Variants in ADGRD2 observed in about 807,000 individuals in gnomAD.
ADGRD2 encodes the protein G protein-coupled receptor PGR24.
In ADGRD2, 71 loss-of-function variants were observed where a neutral mutation model predicts 44.4. The observed-to-expected ratio is 1.60, with a 90% CI of 1.32 to 1.95. ADGRD2 has a LOEUF of 1.95. Among genes scored for constraint, ADGRD2 ranks in the 30% most tolerant of loss-of-function variants. ADGRD2 has a pLI of 0.00. For synonymous variants in ADGRD2, 481 were observed against 224.8 expected (o/e 2.14, Z -10.19); for missense variants, 1,039 against 512.4 (o/e 2.03, Z -9.92).
At chr9:124,475,982 A>G (rs1588611057) in intron 19 of ADGRD2, among the ~76,000 whole-genome samples, 1 of 152,128 alleles carries the variant, frequency 6.6e-6, no homozygotes, top group African/African-American at 2.4e-5. Flanking sequence ...CTCATTCCCC[A>G]CTGCCAGGAA....
chr9:124,463,184 A>AGAAGGGTTC lies in ADGRD2; in HGVS notation c.1871-3074_1871-3073insGAAGGGTTC, dbSNP rs1211964182. On this transcript the variant is annotated intron_variant, in intron 10 of 21. Transcript: ENST00000334810. ...TCCCTTCTCTTCCTGGTTTGCTGAG[A>AGAAGGGTTC]ATTTTTATCATGAATGGCTTTTGAA... 1.2e-4 allele frequency among the ~76,000 whole-genome samples: 19 copies of AGAAGGGTTC among 152,096 alleles called. 1 individual carries two copies. Among genetic ancestry groups the AGAAGGGTTC allele is most frequent in the Admixed American group, 1.2e-3 (19 of 15,250 alleles).
At chr9:124,463,147 A>C (rs1831752372) in intron 10 of ADGRD2, among the ~76,000 whole-genome samples, 1 of 152,212 alleles carries the variant, frequency 6.6e-6, no homozygotes, top group African/African-American at 2.4e-5. Flanking sequence ...GTAGATGTCC[A>C]TCAAATCAAG....
intron 17 of ADGRD2, 51 bp from the exon 21 acceptor site, chr9:124,475,395 G>A (rs1018581473): frequency 4.3e-6 from 3 of 695,858 alleles, no homozygotes; most frequent in Non-Finnish European, 8.0e-6. Flanking sequence ...CAGGCTGTGG[G>A]GGATGGGGTA....
intron 16 of ADGRD2, 41 bp from the exon 20 acceptor site, chr9:124,470,453 A>T: frequency 1.4e-6 from 1 of 696,742 alleles, no homozygotes; most frequent in Non-Finnish European, 2.6e-6. Flanking sequence ...GGAGCTCCCC[A>T]GGCCTCCCAA....
At chr9:124,462,615 ACATT>A (rs1268366751) in intron 10 of ADGRD2, among the ~76,000 whole-genome samples, 1 of 147,698 alleles carries the variant, frequency 6.8e-6, no homozygotes, top group Non-Finnish European at 1.5e-5. Context: ...GATCTTAGAG[ACATT>A]TTGTTAAATA....
intron 21 of ADGRD2, chr9:124,477,046 C>T (rs374520312): frequency 1.7e-6 from 1 of 586,426 alleles, no homozygotes; most frequent in Non-Finnish European, 3.3e-6. Context: ...TCCTCCCCCT[C>T]TTTCTGCCCC....
chr9:124,456,696 AG>A lies in ADGRD2; in HGVS notation c.1469del (p.Glu491SerfsTer21), dbSNP rs1831624025. On this transcript the variant is annotated frameshift_variant, in exon 7 of 22. Transcript: ENST00000334810. LOFTEE classifies it high-confidence loss of function. ...CCCTGCTGAGCACCTCAATGACCTCAGAGCGGCCCCGAATGCGCATCCAGCA... is the reference window on the plus strand; with the variant it reads ...CCCTGCTGAGCACCTCAATGACCTCAAGCGGCCCCGAATGCGCATCCAGCA... 1.4e-6 allele frequency: 1 copy of A among 714,244 alleles called. No homozygotes were observed. The highest frequency in any genetic ancestry group is 2.6e-6 in the Non-Finnish European group (1 of 385,024). The allele number at this position is 714,244 out of a possible 1,614,324, so 44.2% of individuals were successfully genotyped here. A position where few individuals can be genotyped will look rare whatever the true frequency, so the allele number is the denominator to read the frequency against.
chr9:124,462,080 C>A (rs538565236), intron 10 of ADGRD2, among the ~76,000 whole-genome samples: 1 of 150,926 alleles, frequency 6.6e-6, no homozygotes, highest in Non-Finnish European at 1.5e-5. Context: ...TTTTTTGAGA[C>A]AGGGTCTCAT....
chr9:124,451,159 G>C (rs1263170414), upstream of ADGRD2: 1 of 472,206 alleles, frequency 2.1e-6, no homozygotes, highest in South Asian at 1.5e-5. Context: ...CGCACCTTGG[G>C]GAGCAGGGGA....
Position 124,468,189 on chromosome 9 carries a change from AG to A in ADGRD2, c.2233+1del. 1.4e-6 allele frequency: 1 copy of A among 718,284 alleles called. No individual in the cohort carries two copies. The highest frequency in any genetic ancestry group is 2.6e-6 in the Non-Finnish European group (1 of 385,072). The allele number at this position is 718,284 out of a possible 1,614,324, so 44.5% of individuals were successfully genotyped here. The stretch of plus-strand genomic sequence containing the variant: ...ACCAGCGAGTGGGCCAAGGCCAATG[AG>A]GTGGGCAGCCAGTGGGTGGGCTGGA... On this transcript the variant is annotated frameshift_variant and splice_region_variant, in exon 13 of 22. Transcript: ENST00000334810. LOFTEE classifies it high-confidence loss of function.
intron 10 of ADGRD2, chr9:124,465,678 T>A (rs925047980): frequency 3.3e-5 from 5 of 152,058 alleles, no homozygotes; most frequent in Non-Finnish European, 7.3e-5. Flanking sequence ...TAAAAATATG[T>A]CCACTCTGCT....
intron 16 of ADGRD2, among the ~76,000 whole-genome samples, chr9:124,470,051 G>A (rs1831918045): frequency 6.6e-6 from 1 of 152,110 alleles, no homozygotes; most frequent in South Asian, 2.1e-4. Flanking sequence ...CTGCCTCCTT[G>A]CTGGCTTTCC....
At position 124,455,141 on chromosome 9, in the gene ADGRD2, G is replaced by A. The variant is rs549352725; in HGVS notation, c.1393+14G>A. ...TCCCTCCGTGAAGTGAGGCTGGCAG[G>A]GCTGGGTGGGGCAGGGGCCTGGGCT... On this transcript the variant is annotated intron_variant, in intron 6 of 21. Coordinates refer to ENST00000334810, the Ensembl canonical transcript of ADGRD2. 19 of 683,754 alleles carry A rather than the reference G, an allele frequency of 2.8e-5. No individual in the cohort carries two copies. The highest frequency in any genetic ancestry group is 6.2e-5 in the Admixed American group (3 of 48,634). The allele number at this position is 683,754 out of a possible 1,614,324, so 42.4% of individuals were successfully genotyped here.
chr9:124,476,945 G>A, intron 21 of ADGRD2: 1 of 701,494 alleles, frequency 1.4e-6, no homozygotes, highest in Non-Finnish European at 2.7e-6. Context: ...ATTCTGAGCG[G>A]GCGCTGCCAA....
chr9:124,469,143 G>A (rs1301680330), intron 14 of ADGRD2, 79 bp from the exon 18 acceptor site: 9 of 653,478 alleles, frequency 1.4e-5, no homozygotes, highest in Non-Finnish European at 2.5e-5. Flanking sequence ...GGACAGCTGC[G>A]GCTTGGGGGG....
intron 3 of ADGRD2, 48 bp downstream of exon 6, chr9:124,453,724 C>G (rs1392637942): frequency 1.5e-6 from 1 of 659,930 alleles, no homozygotes; most frequent in Admixed American, 2.2e-5. Flanking sequence ...CGAATCCTTC[C>G]CTTCCGACCC....
exon 3 of ADGRD2, chr9:124,453,517 G>T (rs1450841259): frequency 1.4e-6 from 1 of 701,606 alleles, no homozygotes; most frequent in East Asian, 2.8e-5. Context: ...CAACCTCACC[G>T]ACTTCCACCT....
At chr9:124,464,108 C>T (rs1831768857) in intron 10 of ADGRD2, among the ~76,000 whole-genome samples, 1 of 151,956 alleles carries the variant, frequency 6.6e-6, no homozygotes, top group Non-Finnish European at 1.5e-5. Context: ...CCAAAGTGAG[C>T]CACCACGCCC....
chr9:124,454,463 CTGGCATCCACTCCTT>C lies in ADGRD2; in HGVS notation c.1023-18_1023-4del. 3 of 702,180 alleles carry C rather than the reference CTGGCATCCACTCCTT, an allele frequency of 4.3e-6. No homozygotes were observed. The highest frequency in any genetic ancestry group is 8.1e-6 in the Non-Finnish European group (3 of 372,162). The allele number at this position is 702,180 out of a possible 1,614,324, so 43.5% of individuals were successfully genotyped here. On this transcript the variant is annotated splice_region_variant and splice_polypyrimidine_tract_variant and intron_variant, in intron 4 of 21. Coordinates refer to ENST00000334810, the Ensembl canonical transcript of ADGRD2. This position sits in a 1 kb window ranked among gnomAD's most constrained non-coding sequence, Gnocchi z 4.5. ...GCAGGGGTATTGCCCGGGGCCTAGC[CTGGCATCCACTCCTT>C]TGCAGAGCCCTATCGTCGGCTGCAG...
Sources: gnomAD v4.1 joint callset for allele counts (sites outside exome capture counted in the v4.1 genomes callset) on GRCh38, gnomAD v4.1.1 for gene constraint, Gnocchi (gnomAD v3.1) non-coding constraint, MANE v1.5 for transcripts, NCBI Gene and HGNC (gene_info 2026-07-23, HGNC 2026-07-21) for gene names.